The following SAMMSON variants were observed in gnomAD, a reference collection of about 807,000 sequenced individuals.
SAMMSON encodes long intergenic non-protein coding RNA 1212.
At chr3:70,000,257 T>C (rs964450928) in intron 1 of SAMMSON, among the ~76,000 whole-genome samples, 1 of 152,126 alleles carries the variant, frequency 6.6e-6, no homozygotes, top group African/African-American at 2.4e-5. Context: ...AGCCTGCCTG[T>C]CTGTATGCTC....
chr3:70,400,397 CT>C (rs1181997926), intron 2 of SAMMSON, among the ~76,000 whole-genome samples: 4 of 152,082 alleles, frequency 2.6e-5, no homozygotes, highest in Admixed American at 2.6e-4. Context: ...TTAAAAAGAT[CT>C]GGTTTCGTTG....
chr3:70,314,763 T>G (rs1702484385), intron 7 of SAMMSON, among the ~76,000 whole-genome samples: 1 of 152,136 alleles, frequency 6.6e-6, no homozygotes, highest in Non-Finnish European at 1.5e-5. Flanking sequence ...GATTTGGATC[T>G]TTGTAAGGTT....
At chr3:70,203,742 C>T (rs1403068) in intron 4 of SAMMSON, among the ~76,000 whole-genome samples, 19,760 of 151,992 alleles carry the variant, frequency 0.13, 2,657 homozygotes, top group African/African-American at 0.35. Context: ...TTTCCTCTTC[C>T]ACCTGGATGA....
At chr3:70,416,557 T>A (rs1701266139) in intron 2 of SAMMSON, among the ~76,000 whole-genome samples, 1 of 152,174 alleles carries the variant, frequency 6.6e-6, no homozygotes, top group Non-Finnish European at 1.5e-5. Context: ...TCAATCTAAA[T>A]ACAATCTGGA....
intron 4 of SAMMSON, among the ~76,000 whole-genome samples, chr3:70,166,840 T>C (rs2067639327): frequency 6.6e-6 from 1 of 151,890 alleles, no homozygotes; most frequent in Non-Finnish European, 1.5e-5. Context: ...GTCAACAGAT[T>C]TTCCTTTCCT....
intron 7 of SAMMSON, among the ~76,000 whole-genome samples, chr3:70,332,265 C>T (rs867895423): frequency 1.3e-5 from 2 of 152,122 alleles, no homozygotes; most frequent in South Asian, 2.1e-4. Flanking sequence ...TTTTTCTCTT[C>T]GTTAGAACTC....
At chr3:70,322,190 GC>G (rs972304548) in intron 7 of SAMMSON, among the ~76,000 whole-genome samples, 5 of 151,992 alleles carry the variant, frequency 3.3e-5, no homozygotes, top group African/African-American at 1.2e-4. Flanking sequence ...AGTACCTTTT[GC>G]TAAATTCTTA....
At chr3:70,287,372 A>G (rs1458418161) in intron 6 of SAMMSON, among the ~76,000 whole-genome samples, 1 of 150,480 alleles carries the variant, frequency 6.6e-6, no homozygotes, top group East Asian at 1.9e-4. Flanking sequence ...ATTGATTTGC[A>G]TATATTGAAC....
intron 4 of SAMMSON, among the ~76,000 whole-genome samples, chr3:70,109,355 C>G (rs1213600243): frequency 1.3e-5 from 2 of 152,128 alleles, no homozygotes; most frequent in Admixed American, 1.3e-4. Context: ...CCTAAGCCCC[C>G]AATTGTGTGG....
chr3:70,178,831 A>C (rs923570452), intron 4 of SAMMSON, among the ~76,000 whole-genome samples: 10 of 152,264 alleles, frequency 6.6e-5, no homozygotes, highest in Admixed American at 1.3e-4. Context: ...CAAAATGGTG[A>C]AACCTCATCT....
At chr3:70,244,574 A>C (rs1701689214) in intron 4 of SAMMSON, among the ~76,000 whole-genome samples, 1 of 152,258 alleles carries the variant, frequency 6.6e-6, no homozygotes, top group South Asian at 2.1e-4. Flanking sequence ...AAGAAGAGAC[A>C]AGATTGACTG....
Position 70,401,460 on chromosome 3 carries a change from A to G in SAMMSON, n.233+43136A>G, listed in dbSNP as rs569755098. Among the ~76,000 whole-genome samples the G allele has an allele frequency of 1.9e-4, 29 of 152,336 alleles. No individual in the cohort carries two copies. In the Middle Eastern group the frequency reaches 0.01, roughly 54 times the overall value. On this transcript the variant is annotated intron_variant and non_coding_transcript_variant, in intron 2 of 3. Coordinates refer to the SAMMSON transcript ENST00000641053. ...ATGAATGTTCTTTGGATAAAATACA[A>G]TCCCTGGTAATTTGAATGAAATAAT...
At chr3:70,105,143 A>G (rs1205680580) in intron 4 of SAMMSON, among the ~76,000 whole-genome samples, 2 of 152,178 alleles carry the variant, frequency 1.3e-5, no homozygotes, top group African/African-American at 4.8e-5. Flanking sequence ...TGTAACCCCA[A>G]TTTTAAAAGA....
chr3:70,190,864 T>TC (rs1701126958), intron 4 of SAMMSON, among the ~76,000 whole-genome samples: 1 of 152,184 alleles, frequency 6.6e-6, no homozygotes, highest in African/African-American at 2.4e-5. Flanking sequence ...GGTGGTTTAC[T>TC]GCCATGCCCA....
intron 6 of SAMMSON, among the ~76,000 whole-genome samples, chr3:70,250,179 G>T (rs1306090822): frequency 2.0e-5 from 3 of 152,084 alleles, no homozygotes; most frequent in Non-Finnish European, 1.5e-5. Flanking sequence ...GAAGGATTTG[G>T]AGTTTTTAAC....
chr3:70,102,071 C>A (rs1469479428), intron 4 of SAMMSON, among the ~76,000 whole-genome samples: 1 of 152,146 alleles, frequency 6.6e-6, no homozygotes, highest in African/African-American at 2.4e-5. Context: ...TCATAGTTAA[C>A]ATATAGCTAA....
At chr3:70,069,682 C>G (rs760568193) in intron 3 of SAMMSON, 1 of 152,080 alleles carries the variant, frequency 6.6e-6, no homozygotes, top group Non-Finnish European at 1.5e-5. Flanking sequence ...TGACCTCACT[C>G]GGTCCTCATG....
intron 2 of SAMMSON, among the ~76,000 whole-genome samples, chr3:70,399,854 CA>C (rs61687359): frequency 0.031 from 2,650 of 85,554 alleles, 69 homozygotes; most frequent in African/African-American, 0.1. Context: ...GACTCTGACT[CA>C]AAAAAAAAAA....
intron 3 of SAMMSON, among the ~76,000 whole-genome samples, chr3:70,066,629 A>G (rs1352035014): frequency 1.3e-5 from 2 of 152,136 alleles, no homozygotes; most frequent in Non-Finnish European, 2.9e-5. Flanking sequence ...ACCACATCAG[A>G]TTACTATTAA....
Sources: allele counts gnomAD v4.1 joint callset (sites outside exome capture counted in the v4.1 genomes callset), GRCh38; gene constraint gnomAD v4.1.1; transcripts MANE v1.5; gene names NCBI Gene and HGNC (gene_info 2026-07-23, HGNC 2026-07-21).